Variants in INTS14 observed in about 807,000 individuals in gnomAD.
INTS14 encodes the protein UPF0464 protein C15orf44.
A neutral mutation model predicts 56.9 loss-of-function variants in INTS14; 27 were observed. The observed-to-expected ratio is 0.47, with a 90% CI of 0.35 to 0.65. The LOEUF is 0.65. Among genes scored for constraint, INTS14 ranks in the 30% least tolerant of loss-of-function variants. INTS14 has a pLI of 0.00. For synonymous variants in INTS14, 207 were observed against 236.2 expected (o/e 0.88, Z 1.13); for missense variants, 517 against 632.2 (o/e 0.82, Z 1.95).
intron 1 of INTS14, among the ~76,000 whole-genome samples, chr15:65,608,926 C>T (rs1056514525): frequency 1.3e-5 from 2 of 152,104 alleles, no homozygotes; most frequent in African/African-American, 2.4e-5. Flanking sequence ...CGGAGTCTTG[C>T]GACATCTGTC....
At position 65,607,433 on chromosome 15, in the gene INTS14, C is replaced by G; in HGVS notation, c.-53G>C. ...CAGAATGCAAACAGACAGCTATAAA[C>G]GAAGAAATGCTGCAGAAAATAAATA... On this transcript the variant is annotated 5_prime_UTR_variant, in exon 2 of 12. Transcript: ENST00000313182. The G allele has an allele frequency of 1.3e-6, 2 of 1,598,568 alleles. No individual in the cohort carries two copies. Among genetic ancestry groups the G allele is most frequent in the Non-Finnish European group, 1.7e-6 (2 of 1,169,022 alleles).
intron 11 of INTS14, among the ~76,000 whole-genome samples, chr15:65,580,098 G>C (rs1255230497): frequency 6.6e-6 from 1 of 152,196 alleles, no homozygotes; most frequent in Non-Finnish European, 1.5e-5. Flanking sequence ...GGCTCAAGAG[G>C]AGGCCCTGGA....
intron 1 of INTS14, among the ~76,000 whole-genome samples, chr15:65,610,475 C>T (rs77170697): frequency 1.3e-5 from 2 of 150,916 alleles, no homozygotes; most frequent in East Asian, 3.9e-4. Context: ...CCCCTTCCCA[C>T]GTGTACTGTT....
At chr15:65,610,076 A>T (rs1187390973) in intron 1 of INTS14, among the ~76,000 whole-genome samples, 6 of 90,392 alleles carry the variant, frequency 6.6e-5, no homozygotes, top group Middle Eastern at 0.011. Flanking sequence ...AGGCCTGATT[A>T]AAAAAAAAAA....
intron 7 of INTS14, among the ~76,000 whole-genome samples, chr15:65,595,068 T>C (rs1283560837): frequency 2.6e-5 from 4 of 152,290 alleles, no homozygotes; most frequent in Admixed American, 2.6e-4. Context: ...GAGGAAAAGA[T>C]AATTTTAAGG....
chr15:65,595,722 T>C lies in INTS14; in HGVS notation c.841+11A>G. On this transcript the variant is annotated intron_variant, in intron 7 of 11. Transcript: ENST00000313182. ...AGACGCTTCAGACGTATCAGTGGAATAGGAACTCACCTTTGTTAAGTGCTA... is the reference window on the plus strand; with the variant it reads ...AGACGCTTCAGACGTATCAGTGGAACAGGAACTCACCTTTGTTAAGTGCTA... The C allele has an allele frequency of 6.3e-7, 1 of 1,592,578 alleles. No homozygotes were observed. Among genetic ancestry groups the C allele is most frequent in the Non-Finnish European group, 8.6e-7 (1 of 1,168,324 alleles).
intron 9 of INTS14, 91 bp downstream of exon 9, chr15:65,591,507 T>G: frequency 6.7e-7 from 1 of 1,499,016 alleles, no homozygotes; most frequent in South Asian, 1.3e-5. Context: ...GTAAGGGAGA[T>G]CAATCAGTTC....
intron 1 of INTS14, among the ~76,000 whole-genome samples, chr15:65,607,674 A>G (rs2073705638): frequency 6.6e-6 from 1 of 151,934 alleles, no homozygotes; most frequent in Non-Finnish European, 1.5e-5. Context: ...AAATATATCT[A>G]CTGGAAAAAA....
In INTS14 at chr15:65,581,958, T is replaced by C. The variant is rs2072636917; in HGVS notation, c.1301A>G (p.Tyr434Cys). ...ATCCTCTTCTGTCTGTCTCACCTTA[T>C]AGAATGTCTGTGTTTTTTCAGGTAG... ...RKLPEKTQTF[Y>C]KELNRLRKAA... Residue 434 changes from tyrosine (Y) to cysteine (C), a missense_variant, in exon 11 of 12, where the codon TAT (tyrosine) becomes TGT (cysteine). Tyr to Cys is a radical substitution (Grantham distance 194, BLOSUM62 -2). Transcript: ENST00000313182. The C allele has an allele frequency of 1.9e-6, 3 of 1,613,506 alleles. No homozygotes were observed. The highest frequency in any genetic ancestry group is 2.5e-6 in the Non-Finnish European group (3 of 1,179,900).
intron 9 of INTS14, among the ~76,000 whole-genome samples, chr15:65,586,098 A>G (rs1288617899): frequency 6.6e-6 from 1 of 151,984 alleles, no homozygotes; most frequent in Admixed American, 6.5e-5. Flanking sequence ...TCACTTATTC[A>G]TTCATTATCT....
At chr15:65,583,586 A>G (rs2072706591) in intron 10 of INTS14, among the ~76,000 whole-genome samples, 1 of 152,184 alleles carries the variant, frequency 6.6e-6, no homozygotes, top group Non-Finnish European at 1.5e-5. Flanking sequence ...GAGTGATTAA[A>G]ATGTTCTGGA....
chr15:65,593,547 G>A lies in INTS14; in HGVS notation c.867C>T (p.Ile289=). 6.2e-7 allele frequency: 1 copy of A among 1,613,942 alleles called. No individual in the cohort carries two copies. ...AATTTTCATCTTCATTGTCATCAGTGATGCCAGTACCCACCTCATCACCTT... is the reference window on the plus strand; with the variant it reads ...AATTTTCATCTTCATTGTCATCAGTAATGCCAGTACCCACCTCATCACCTT... ...NKEGDEVGTG[I]TDDNEDENSA... Residue 289 remains isoleucine (I), a synonymous_variant, in exon 8 of 12, where the codon ATC becomes ATT. Transcript: ENST00000313182.
chr15:65,597,056 C>G (rs1273417395), intron 6 of INTS14, among the ~76,000 whole-genome samples: 1 of 152,148 alleles, frequency 6.6e-6, no homozygotes, highest in East Asian at 1.9e-4. Context: ...AAGAAAAGAC[C>G]TATTCAAATT....
In INTS14 at chr15:65,605,971, T is replaced by C. The variant is rs190782308; in HGVS notation, c.223-735A>G. Among the ~76,000 whole-genome samples, 3 of 152,288 alleles carry C rather than the reference T, an allele frequency of 2.0e-5. No individual in the cohort carries two copies. In the East Asian group the frequency reaches 5.8e-4, roughly 29 times the overall value. ...TTTAAGTCACTTAAAAAATCTGAGA[T>C]AAGGCCGGGCGCGGTGGCTCACGCC... On this transcript the variant is annotated intron_variant, in intron 2 of 11. Coordinates refer to ENST00000313182, the MANE Select transcript of INTS14 (RefSeq NM_001394796.1).
At position 65,591,668 on chromosome 15, in the gene INTS14, C is replaced by A; in HGVS notation, c.1050G>T (p.Met350Ile). 2.5e-6 allele frequency: 4 copies of A among 1,614,186 alleles called. No individual in the cohort carries two copies. The highest frequency in any genetic ancestry group is 1.1e-5 in the South Asian group (1 of 91,084). ...ADSKKKSNLMMSLFEPGPEPL... is the reference protein window; with the variant it reads ...ADSKKKSNLMISLFEPGPEPL... ...GTTCTGGGCCAGGCTCAAAGAGAGA[C>A]ATCATGAGGTTTGATTTCTTCTTGC... The change falls in exon 9 of 12, where the codon ATG becomes ATT. Residue 350 changes from methionine (M) to isoleucine (I), a missense_variant. By Grantham distance (10) the Met-to-Ile change is conservative. Coordinates refer to ENST00000313182, the MANE Select transcript of INTS14 (RefSeq NM_001394796.1).
chr15:65,580,571 C>T (rs1352341826), intron 11 of INTS14, among the ~76,000 whole-genome samples: 2 of 152,242 alleles, frequency 1.3e-5, no homozygotes, highest in East Asian at 3.9e-4. Context: ...TGTTTTATTT[C>T]ACCAGCTTAC....
rs1290530018 is a variant in INTS14, at chr15:65,595,841, C to T, written c.749-16G>A. On this transcript the variant is annotated splice_polypyrimidine_tract_variant and intron_variant, in intron 6 of 11. Coordinates refer to ENST00000313182, the MANE Select transcript of INTS14 (RefSeq NM_001394796.1). Reference sequence around the variant, plus strand: ...ATTTCCAAATCTGAAATGAAGGAATCAACACAGAATTAATTCATTCTATGG... The same window carrying T: ...ATTTCCAAATCTGAAATGAAGGAATTAACACAGAATTAATTCATTCTATGG... The T allele has an allele frequency of 6.4e-7, 1 of 1,551,822 alleles. No homozygotes were observed. Among genetic ancestry groups the T allele is most frequent in the Non-Finnish European group, 8.8e-7 (1 of 1,135,424 alleles).
At chr15:65,599,685 T>C in intron 4 of INTS14, 89 bp downstream of exon 4, 4 of 1,414,922 alleles carry the variant, frequency 2.8e-6, no homozygotes, top group Non-Finnish European at 3.9e-6. Flanking sequence ...CTACAGTATA[T>C]ACAATATAGC....
intron 3 of INTS14, among the ~76,000 whole-genome samples, chr15:65,603,355 G>C (rs900321284): frequency 4.6e-5 from 7 of 152,204 alleles, no homozygotes; most frequent in African/African-American, 1.7e-4. Context: ...TATGAGTTTT[G>C]ACAGTTGTAT....
Sources: gnomAD v4.1 joint callset for allele counts (sites outside exome capture counted in the v4.1 genomes callset) on GRCh38, gnomAD v4.1.1 for gene constraint, MANE v1.5 for transcripts, NCBI Gene and HGNC (gene_info 2026-07-23, HGNC 2026-07-21) for gene names.